Variants in PDZRN4 observed in about 807,000 individuals in gnomAD.
PDZRN4 encodes the protein PDZ domain containing ring finger 4, also known as PDZ domain-containing RING finger protein 4.
Under a neutral mutation model 99.0 loss-of-function variants are expected in PDZRN4, and 70 were observed. The ratio of observed to expected loss-of-function variants is 0.71; its 90% confidence interval spans 0.58 to 0.86. PDZRN4 has a LOEUF of 0.86. PDZRN4 is among the 40% of genes least tolerant of loss of function. The pLI, the probability that PDZRN4 is intolerant of heterozygous loss-of-function variation, is 0.00. For synonymous variants in PDZRN4, 551 were observed against 501.6 expected, an observed-to-expected ratio of 1.10 and a Z score of -1.32; for missense variants, 1,474 against 1,331.2, an observed-to-expected ratio of 1.11 and a Z score of -1.67.
intron 5 of PDZRN4, among the ~76,000 whole-genome samples, chr12:41,548,222 A>G (rs1172970044): frequency 6.6e-6 from 1 of 152,214 alleles, no homozygotes; most frequent in Non-Finnish European, 1.5e-5. Flanking sequence ...ACTAAGTATT[A>G]TCCCCAGATT....
Position 41,480,512 on chromosome 12 carries a change from G to A in PDZRN4, c.844-25944G>A, listed in dbSNP as rs1483458610. 2.0e-5 allele frequency among the ~76,000 whole-genome samples: 3 copies of A among 152,072 alleles called. No individual in the cohort carries two copies. The East Asian group carries it at 5.8e-4, about 29-fold the overall frequency. ...GAGGATATAAAGCTAACAGTAGTGGGTTTTATTTCATATCCCAAATGCCTG... is the reference window on the plus strand; with the variant it reads ...GAGGATATAAAGCTAACAGTAGTGGATTTTATTTCATATCCCAAATGCCTG... On this transcript the variant is annotated intron_variant, in intron 3 of 9. Transcript: ENST00000402685.
intron 3 of PDZRN4, among the ~76,000 whole-genome samples, chr12:41,391,943 C>T (rs1164783113): frequency 6.6e-6 from 1 of 152,066 alleles, no homozygotes; most frequent in African/African-American, 2.4e-5. Flanking sequence ...CTTAGTAGCA[C>T]AGGACTTTAA....
rs1034686606 is a variant in PDZRN4 at position 41,477,257 on chromosome 12, C to T, written c.844-29199C>T. On this transcript the variant is annotated intron_variant, in intron 3 of 9. Transcript: ENST00000402685. The stretch of plus-strand genomic sequence containing the variant: ...GGACACTTCAGACAAAAGCATCCTA[C>T]ATCAGGCTGCCTGCCTCCATTTTTC... Among the ~76,000 whole-genome samples, 3 of 152,332 alleles carry T rather than the reference C, an allele frequency of 2.0e-5. No individual in the cohort carries two copies. In the East Asian group the frequency reaches 5.8e-4, roughly 29 times the overall value.
intron 3 of PDZRN4, among the ~76,000 whole-genome samples, chr12:41,228,283 T>A (rs1218193557): frequency 6.6e-6 from 1 of 152,168 alleles, no homozygotes. Flanking sequence ...ATCATAATTA[T>A]CTTAAAGCAC....
At chr12:41,386,546 TC>T (rs935158124) in intron 3 of PDZRN4, among the ~76,000 whole-genome samples, 1 of 152,084 alleles carries the variant, frequency 6.6e-6, no homozygotes, top group African/African-American at 2.4e-5. Flanking sequence ...CGGCCACACT[TC>T]CCAAAGCAAT....
intron 6 of PDZRN4, among the ~76,000 whole-genome samples, chr12:41,553,819 A>G (rs1434380503): frequency 6.6e-6 from 1 of 152,142 alleles, no homozygotes; most frequent in African/African-American, 2.4e-5. Context: ...GACAAACTAG[A>G]TACTAATTGC....
chr12:41,550,910 G>A (rs1178549557), intron 5 of PDZRN4, among the ~76,000 whole-genome samples: 1 of 152,094 alleles, frequency 6.6e-6, no homozygotes, highest in Non-Finnish European at 1.5e-5. Flanking sequence ...TTGAAAAGGA[G>A]GATATATACT....
At chr12:41,318,514 T>A (rs1433748590) in intron 3 of PDZRN4, among the ~76,000 whole-genome samples, 2 of 152,200 alleles carry the variant, frequency 1.3e-5, no homozygotes, top group Non-Finnish European at 2.9e-5. Flanking sequence ...CTCACTGAGC[T>A]TCTGCATATG....
At chr12:41,436,587 G>A (rs1057300970) in intron 3 of PDZRN4, among the ~76,000 whole-genome samples, 5 of 152,166 alleles carry the variant, frequency 3.3e-5, no homozygotes, top group Non-Finnish European at 5.9e-5. Flanking sequence ...AAGATGTGCT[G>A]GAACAAGGAC....
intron 3 of PDZRN4, among the ~76,000 whole-genome samples, chr12:41,383,814 A>T (rs1016417104): frequency 1.3e-5 from 2 of 152,140 alleles, no homozygotes; most frequent in Non-Finnish European, 2.9e-5. Context: ...ATTTATCAAA[A>T]AGTATTGAGG....
intron 3 of PDZRN4, among the ~76,000 whole-genome samples, chr12:41,371,675 ATTTG>A (rs1219737953): frequency 2.0e-5 from 3 of 152,020 alleles, no homozygotes; most frequent in African/African-American, 4.8e-5. Context: ...CCAAATGTTT[ATTTG>A]TTTGTTTGGT....
chr12:41,341,769 A>G (rs1951819310), intron 3 of PDZRN4, among the ~76,000 whole-genome samples: 1 of 151,984 alleles, frequency 6.6e-6, no homozygotes, highest in Non-Finnish European at 1.5e-5. Context: ...AAACAGCCAT[A>G]CTACCCAAAG....
intron 3 of PDZRN4, among the ~76,000 whole-genome samples, chr12:41,486,318 G>A (rs1044011275): frequency 5.9e-5 from 9 of 151,882 alleles, no homozygotes; most frequent in African/African-American, 2.2e-4. Context: ...AATGTAACTT[G>A]GTGTTATCTT....
intron 3 of PDZRN4, among the ~76,000 whole-genome samples, chr12:41,273,972 A>G (rs1353804130): frequency 6.6e-6 from 1 of 152,114 alleles, no homozygotes; most frequent in African/African-American, 2.4e-5. Flanking sequence ...CAACCATAGA[A>G]ATATGGGGTT....
chr12:41,317,048 G>GTGTATATATATATATATATA (rs749205337), intron 3 of PDZRN4, among the ~76,000 whole-genome samples: 13 of 69,586 alleles, frequency 1.9e-4, no homozygotes, highest in Non-Finnish European at 3.8e-4. Flanking sequence ...CTTACATAAA[G>GTGTATATATATATATATATA]TATATATATA....
At chr12:41,253,146 T>A (rs1389895562) in intron 3 of PDZRN4, among the ~76,000 whole-genome samples, 1 of 152,210 alleles carries the variant, frequency 6.6e-6, no homozygotes, top group African/African-American at 2.4e-5. Context: ...ATTGTTTCCC[T>A]TGCTGTGCAG....
At chr12:41,362,272 A>G (rs1951969013) in intron 3 of PDZRN4, among the ~76,000 whole-genome samples, 1 of 152,044 alleles carries the variant, frequency 6.6e-6, no homozygotes, top group African/African-American at 2.4e-5. Context: ...TAAACTTATA[A>G]TTACTTTATT....
intron 3 of PDZRN4, among the ~76,000 whole-genome samples, chr12:41,391,510 A>G (rs1285169836): frequency 1.3e-5 from 2 of 152,196 alleles, no homozygotes; most frequent in Non-Finnish European, 2.9e-5. Flanking sequence ...GAGAATTGAC[A>G]TGATAACTGA....
intron 4 of PDZRN4, among the ~76,000 whole-genome samples, chr12:41,509,130 T>G (rs1745576141): frequency 6.6e-6 from 1 of 152,174 alleles, no homozygotes; most frequent in Non-Finnish European, 1.5e-5. Flanking sequence ...TTCCTTAATG[T>G]AATCTGCTCT....
Sources: allele counts gnomAD v4.1 joint callset (sites outside exome capture counted in the v4.1 genomes callset), GRCh38; gene constraint gnomAD v4.1.1; transcripts MANE v1.5; gene names NCBI Gene and HGNC (gene_info 2026-07-23, HGNC 2026-07-21).